The following ESRRG variants were observed in gnomAD, a reference collection of about 807,000 sequenced individuals.
ESRRG encodes estrogen related receptor gamma.
ESRRG carries 13 observed loss-of-function variants against 44.0 expected under a neutral mutation model. The observed-to-expected ratio is 0.30, with a 90% CI of 0.19 to 0.47. The LOEUF (loss-of-function observed/expected upper bound fraction) is 0.47, where lower values mean the gene tolerates loss of function less well. Among genes scored for constraint, ESRRG ranks in the 20% least tolerant of loss-of-function variants. ESRRG has a pLI of 1.00. For missense variants in ESRRG, 395 were observed against 580.6 expected (o/e 0.68, Z 3.29); for synonymous variants, 215 against 214.6 (o/e 1.00, Z -0.02).
chr1:216,918,369 T>TC (rs1302390549), intron 2 of ESRRG, among the ~76,000 whole-genome samples: 8 of 152,192 alleles, frequency 5.3e-5, no homozygotes, highest in African/African-American at 1.9e-4. Context: ...CCTTGCTGTC[T>TC]CGGTCATCTG....
At chr1:216,566,296 T>C (rs2059673249) in intron 4 of ESRRG, among the ~76,000 whole-genome samples, 1 of 152,198 alleles carries the variant, frequency 6.6e-6, no homozygotes, top group Non-Finnish European at 1.5e-5. Flanking sequence ...AATTAAGTTT[T>C]ATAAATGTTT....
chr1:216,721,668 AT>A (rs1291525533), intron 1 of ESRRG, among the ~76,000 whole-genome samples: 11 of 152,172 alleles, frequency 7.2e-5, no homozygotes, highest in African/African-American at 1.2e-4. Flanking sequence ...CCTCTGGGGG[AT>A]TTTTAAAGTT....
chr1:216,615,126 G>A (rs1187473184), intron 3 of ESRRG, among the ~76,000 whole-genome samples: 5 of 152,150 alleles, frequency 3.3e-5, no homozygotes, highest in Admixed American at 2.6e-4. Flanking sequence ...ATTCAGACCT[G>A]TCTGGGGGTG....
intron 5 of ESRRG, among the ~76,000 whole-genome samples, chr1:216,537,108 T>C (rs1360682495): frequency 3.9e-5 from 6 of 151,972 alleles, no homozygotes; most frequent in African/African-American, 1.4e-4. Flanking sequence ...TTAGTTGAAA[T>C]CCTATCGCCA....
At chr1:216,815,647 T>G (rs973309070) in intron 2 of ESRRG, among the ~76,000 whole-genome samples, 7 of 152,152 alleles carry the variant, frequency 4.6e-5, no homozygotes, top group Admixed American at 3.9e-4. Context: ...ACAACAGTGC[T>G]TTATCTGCCA....
chr1:217,133,631 T>TTCTTTCTTTCTTTCTC (rs1491192210), intron 1 of ESRRG, among the ~76,000 whole-genome samples: 3 of 58,448 alleles, frequency 5.1e-5, no homozygotes, highest in African/African-American at 9.8e-5. Context: ...CTTTCTTTCT[T>TTCTTTCTTTCTTTCTC]TCTCTCTCTC....
intron 1 of ESRRG, among the ~76,000 whole-genome samples, chr1:216,966,465 C>A (rs2070403175): frequency 2.0e-5 from 3 of 152,132 alleles, no homozygotes; most frequent in South Asian, 2.1e-4. Context: ...GAGTAATCAT[C>A]TTGTAAACAG....
chr1:216,539,538 C>G lies in ESRRG; in HGVS notation c.863-20117G>C, dbSNP rs1008160592. ...GGCCTCCTTCCTGTTCCTGGAATGT[C>G]CAAGCACACTCCTGCCTCAGGACCT... On this transcript the variant is annotated intron_variant, in intron 5 of 6. Transcript: ENST00000408911. Among the ~76,000 whole-genome samples, 39 of 151,940 alleles carry G rather than the reference C, an allele frequency of 2.6e-4. 1 individual carries two copies. Among genetic ancestry groups the G allele is most frequent in the Admixed American group, 2.4e-3 (37 of 15,236 alleles).
intron 1 of ESRRG, among the ~76,000 whole-genome samples, chr1:216,954,202 AT>A (rs955701966): frequency 2.0e-5 from 3 of 152,050 alleles, no homozygotes; most frequent in Non-Finnish European, 4.4e-5. Flanking sequence ...TGCAATCAGT[AT>A]TTTTTTAATT....
rs1167590626 is a variant in ESRRG at position 216,634,596 on chromosome 1, C to T, written c.589+16377G>A. 7.9e-5 allele frequency among the ~76,000 whole-genome samples: 12 copies of T among 152,244 alleles called. No homozygotes were observed. The South Asian group carries it at 1.0e-3, about 13-fold the overall frequency. ...TCATTAAGCTCCAGTACTTAAAAATCGTTCATAGCAAGTACTTTAATTAGA... is the reference window on the plus strand; with the variant it reads ...TCATTAAGCTCCAGTACTTAAAAATTGTTCATAGCAAGTACTTTAATTAGA... On this transcript the variant is annotated intron_variant, in intron 3 of 6. Transcript: ENST00000408911.
intron 1 of ESRRG, among the ~76,000 whole-genome samples, chr1:217,014,619 T>G: frequency 6.6e-6 from 1 of 152,160 alleles, no homozygotes; most frequent in Non-Finnish European, 1.5e-5. Flanking sequence ...CAAAGAAACA[T>G]TCAACTAGTG....
chr1:216,971,428 G>T (rs2071635345), intron 1 of ESRRG, among the ~76,000 whole-genome samples: 1 of 152,156 alleles, frequency 6.6e-6, no homozygotes, highest in Admixed American at 6.5e-5. Flanking sequence ...CATCCAAACT[G>T]ATGACATTGG....
At chr1:216,809,434 A>C (rs2094902452) in intron 2 of ESRRG, among the ~76,000 whole-genome samples, 1 of 152,122 alleles carries the variant, frequency 6.6e-6, no homozygotes, top group Admixed American at 6.6e-5. Context: ...ATGAAGCAGT[A>C]TGATGAGTTA....
At chr1:216,912,166 AAAAGAAAAG>A (rs2060452992) in intron 2 of ESRRG, among the ~76,000 whole-genome samples, 1 of 41,694 alleles carries the variant, frequency 2.4e-5, no homozygotes, top group South Asian at 8.6e-4. Flanking sequence ...AAAAGAAAAG[AAAAGAAAAG>A]AAAAGAAAAG....
At chr1:216,607,541 T>C (rs1427726623) in intron 3 of ESRRG, among the ~76,000 whole-genome samples, 1 of 152,200 alleles carries the variant, frequency 6.6e-6, no homozygotes, top group Admixed American at 6.5e-5. Context: ...TATTCATGCC[T>C]GTTTCTGAAA....
chr1:216,878,661 T>C (rs545429570), intron 2 of ESRRG, among the ~76,000 whole-genome samples: 1 of 152,338 alleles, frequency 6.6e-6, no homozygotes, highest in African/African-American at 2.4e-5. Flanking sequence ...GTCTGTCTTT[T>C]CCCCGTTAAT....
At chr1:216,942,067 C>T (rs1560199741) in intron 1 of ESRRG, among the ~76,000 whole-genome samples, 2 of 152,068 alleles carry the variant, frequency 1.3e-5, no homozygotes, top group Admixed American at 1.3e-4. Context: ...GATCCCCTCC[C>T]TCCCTCCCCT....
At chr1:216,846,861 C>A (rs36074629) in intron 2 of ESRRG, among the ~76,000 whole-genome samples, 31,336 of 151,690 alleles carry the variant, frequency 0.21, 3,322 homozygotes, top group Admixed American at 0.27. Context: ...TTATGTAGTT[C>A]TCTTTAAAGA....
At chr1:216,735,950 C>G (rs2089786737) in intron 2 of ESRRG, among the ~76,000 whole-genome samples, 1 of 141,108 alleles carries the variant, frequency 7.1e-6, no homozygotes, top group South Asian at 2.2e-4. Context: ...TGCACTCCAG[C>G]CTAGGCGACA....
Sources: allele counts gnomAD v4.1 joint callset (sites outside exome capture counted in the v4.1 genomes callset), GRCh38; gene constraint gnomAD v4.1.1; transcripts MANE v1.5; gene names NCBI Gene and HGNC (gene_info 2026-07-23, HGNC 2026-07-21).